The following MCTP1 variants were observed in gnomAD, a reference collection of about 807,000 sequenced individuals.
The protein encoded by MCTP1 is multiple C2 and transmembrane domain-containing protein 1.
MCTP1 carries 69 observed loss-of-function variants against 120.6 expected under a neutral mutation model. That is an observed-to-expected ratio of 0.57 (90% CI 0.47 to 0.70). The LOEUF (loss-of-function observed/expected upper bound fraction) is 0.70. MCTP1 is among the 30% of genes least tolerant of loss of function. The probability of loss-of-function intolerance (pLI) is 0.00; values close to 1 mark genes in which losing one functional copy is unlikely to be tolerated. For synonymous variants in MCTP1, 529 were observed against 493.1 expected, an observed-to-expected ratio of 1.07 and a Z score of -0.96; for missense variants, 1,203 against 1,248.8, an observed-to-expected ratio of 0.96 and a Z score of 0.55.
chr5:94,995,043 A>T (rs553497580), intron 2 of MCTP1, among the ~76,000 whole-genome samples: 4 of 152,310 alleles, frequency 2.6e-5, no homozygotes, highest in African/African-American at 9.6e-5. Context: ...CTTGCTCCTC[A>T]GCTTGCAGAC....
intron 19 of MCTP1, among the ~76,000 whole-genome samples, chr5:94,723,370 C>T (rs554575747): frequency 1.3e-5 from 2 of 152,228 alleles, no homozygotes; most frequent in South Asian, 4.1e-4. Context: ...AACATTTTGG[C>T]TTATGTTAAA....
chr5:94,916,204 T>C (rs951337964), intron 8 of MCTP1, among the ~76,000 whole-genome samples: 4 of 152,102 alleles, frequency 2.6e-5, no homozygotes, highest in African/African-American at 9.7e-5. Context: ...AAGTGAGACT[T>C]GAAATAAAAT....
chr5:95,103,218 A>G (rs1042411857), intron 1 of MCTP1, among the ~76,000 whole-genome samples: 29 of 152,234 alleles, frequency 1.9e-4, no homozygotes, highest in African/African-American at 7.0e-4. Context: ...AAGCCTAATC[A>G]GAAATCAATG....
intron 17 of MCTP1, among the ~76,000 whole-genome samples, chr5:94,827,865 C>T (rs371872529): frequency 3.3e-4 from 50 of 152,036 alleles, no homozygotes; most frequent in African/African-American, 1.1e-3. Flanking sequence ...AGCAATTCCT[C>T]TAACCTTTTA....
At chr5:94,758,442 T>G (rs895110207) in intron 19 of MCTP1, among the ~76,000 whole-genome samples, 9 of 152,048 alleles carry the variant, frequency 5.9e-5, no homozygotes, top group Non-Finnish European at 1.2e-4. Flanking sequence ...CGAGACCCCA[T>G]CTCTTAAAAA....
intron 1 of MCTP1, among the ~76,000 whole-genome samples, chr5:95,113,571 C>T (rs1757606397): frequency 1.3e-5 from 2 of 152,118 alleles, no homozygotes; most frequent in Admixed American, 1.3e-4. Context: ...CTGATGCCCA[C>T]CCACACAGGG....
At position 94,953,840 on chromosome 5, in the gene MCTP1, T is replaced by C. The variant is rs1221552621; in HGVS notation, c.839-479A>G. ...ACAAATATATATATACATATATATA[T>C]ATACACAACTATATATATGCATATA... is the stretch of plus-strand genomic sequence containing the variant. On this transcript the variant is annotated intron_variant, in intron 2 of 22. Coordinates refer to ENST00000515393, the MANE Select transcript of MCTP1 (RefSeq NM_024717.7). Among the ~76,000 whole-genome samples, 4 of 68,546 alleles carry C rather than the reference T, an allele frequency of 5.8e-5. 1 individual carries two copies. In the Admixed American group the frequency reaches 6.9e-4, roughly 12 times the overall value. The allele number at this position is 68,546 out of a possible 152,430, so 45.0% of individuals were successfully genotyped here.
intron 1 of MCTP1, among the ~76,000 whole-genome samples, chr5:95,234,503 T>G (rs1249843197): frequency 6.6e-6 from 1 of 152,160 alleles, no homozygotes; most frequent in Non-Finnish European, 1.5e-5. Context: ...TTGGGTGACT[T>G]CTGGCTCTCA....
rs145479727 is a variant in MCTP1 at position 94,772,809 on chromosome 5, C to A, written c.2610+6301G>T. On this transcript the variant is annotated intron_variant, in intron 19 of 22. Transcript: ENST00000515393. ...CTGCATCTGTACTTTGACAATACCC[C>A]TTCCCCCGGAAAACCTAGTCATAAG... Among the ~76,000 whole-genome samples, 508 of 152,302 alleles carry A rather than the reference C, an allele frequency of 3.3e-3. 3 individuals are homozygous for A. Among genetic ancestry groups the A allele is most frequent in the African/African-American group, 0.012 (488 of 41,556 alleles).
At chr5:95,162,132 G>A (rs747901594) in intron 1 of MCTP1, among the ~76,000 whole-genome samples, 1 of 152,168 alleles carries the variant, frequency 6.6e-6, no homozygotes, top group Non-Finnish European at 1.5e-5. Context: ...GCACTGAGAC[G>A]ATAAGTAGGC....
chr5:95,069,461 A>C (rs1417968368), intron 1 of MCTP1, among the ~76,000 whole-genome samples: 1 of 138,062 alleles, frequency 7.2e-6, no homozygotes, highest in Non-Finnish European at 1.6e-5. Context: ...TTTTTTTTTC[A>C]GAATAACATA....
intron 10 of MCTP1, among the ~76,000 whole-genome samples, chr5:94,905,645 G>A (rs971561403): frequency 6.6e-6 from 1 of 152,210 alleles, no homozygotes; most frequent in African/African-American, 2.4e-5. Context: ...GATTTTTGGT[G>A]TTAGCAACAA....
chr5:94,932,114 T>C (rs1814845567), intron 5 of MCTP1, 123 bp from the exon 6 acceptor site: 2 of 573,348 alleles, frequency 3.5e-6, no homozygotes, highest in Non-Finnish European at 3.1e-6. Context: ...GCAGCAATTA[T>C]ACAACACAAA....
intron 19 of MCTP1, among the ~76,000 whole-genome samples, chr5:94,755,225 C>T (rs2152821381): frequency 6.6e-6 from 1 of 152,286 alleles, no homozygotes; most frequent in Admixed American, 6.5e-5. Context: ...CCGGGAGGAT[C>T]CCCAGGGAGC....
intron 19 of MCTP1, among the ~76,000 whole-genome samples, chr5:94,743,032 G>A (rs577559525): frequency 6.6e-6 from 1 of 151,868 alleles, no homozygotes; most frequent in South Asian, 2.1e-4. Context: ...CTAGAAGCAC[G>A]GAAGACTTCA....
chr5:95,111,642 CTT>C (rs1757461307), intron 1 of MCTP1, among the ~76,000 whole-genome samples: 1 of 152,120 alleles, frequency 6.6e-6, no homozygotes, highest in Non-Finnish European at 1.5e-5. Flanking sequence ...ATAGACAGAA[CTT>C]TTCACTGAAA....
intron 10 of MCTP1, among the ~76,000 whole-genome samples, chr5:94,900,174 G>A (rs1046710369): frequency 3.3e-5 from 5 of 152,168 alleles, no homozygotes; most frequent in South Asian, 2.1e-4. Flanking sequence ...ATGCTAGAAC[G>A]CACCTGTTTC....
chr5:95,177,842 A>G (rs535529897), intron 1 of MCTP1, among the ~76,000 whole-genome samples: 2 of 152,326 alleles, frequency 1.3e-5, no homozygotes, highest in South Asian at 4.1e-4. Context: ...AAACAGGAGG[A>G]AGTTAAGTAC....
intron 1 of MCTP1, among the ~76,000 whole-genome samples, chr5:95,021,187 A>G (rs926596778): frequency 6.6e-6 from 1 of 152,068 alleles, no homozygotes; most frequent in Admixed American, 6.6e-5. Flanking sequence ...CTAAACTAAT[A>G]CTACTACCTC....
Sources: gnomAD v4.1 joint callset for allele counts (sites outside exome capture counted in the v4.1 genomes callset) on GRCh38, gnomAD v4.1.1 for gene constraint, MANE v1.5 for transcripts, NCBI Gene and HGNC (gene_info 2026-07-23, HGNC 2026-07-21) for gene names.